Variants in SHISA9 observed in about 807,000 individuals in gnomAD.
SHISA9 encodes the protein protein shisa-9.
SHISA9 carries 13 observed loss-of-function variants against 38.0 expected under a neutral mutation model. The observed-to-expected ratio is 0.34, with a 90% CI of 0.22 to 0.54. SHISA9 has a LOEUF of 0.54. SHISA9 is among the 20% of genes least tolerant of loss of function. SHISA9 has a pLI of 0.91. For synonymous variants in SHISA9, 275 were observed against 242.0 expected (o/e 1.14, Z -1.27); for missense variants, 538 against 575.8 (o/e 0.93, Z 0.67).
At chr16:13,207,132 C>T (rs1251938109) in intron 3 of SHISA9, among the ~76,000 whole-genome samples, 1 of 152,178 alleles carries the variant, frequency 6.6e-6, no homozygotes, top group East Asian at 1.9e-4. Context: ...GGCATGGTGG[C>T]AGGCACCTGT....
downstream of SHISA9, among the ~76,000 whole-genome samples, chr16:13,244,629 G>C (rs956712445): frequency 4.6e-5 from 7 of 152,118 alleles, no homozygotes; most frequent in African/African-American, 1.7e-4. Context: ...TAAGGCTTCT[G>C]GTCAAAGTGG....
At chr16:13,553,656 T>A in the SHISA9 span, among the ~76,000 whole-genome samples, 2 of 150,700 alleles carry the variant, frequency 1.3e-5, no homozygotes, top group African/African-American at 4.9e-5. Flanking sequence ...TGATTTTGAA[T>A]AACTGAGCTG....
chr16:12,945,140 T>C (rs2071672155), intron 2 of SHISA9, among the ~76,000 whole-genome samples: 1 of 152,102 alleles, frequency 6.6e-6, no homozygotes, highest in South Asian at 2.1e-4. Context: ...CCACGTGTGT[T>C]TTTTAGCCAG....
intron 2 of SHISA9, among the ~76,000 whole-genome samples, chr16:13,157,701 C>T (rs2050559404): frequency 6.6e-6 from 1 of 152,186 alleles, no homozygotes; most frequent in East Asian, 1.9e-4. Context: ...TCAGCATTAC[C>T]CCTGAATGAC....
chr16:13,408,331 T>A, the SHISA9 span, among the ~76,000 whole-genome samples: 3 of 152,138 alleles, frequency 2.0e-5, no homozygotes, highest in African/African-American at 2.4e-5. Flanking sequence ...CCACAGCAGG[T>A]TACAAATATT....
intron 2 of SHISA9, among the ~76,000 whole-genome samples, chr16:13,110,569 A>T (rs767177595): frequency 1.2e-4 from 19 of 152,278 alleles, no homozygotes; most frequent in Non-Finnish European, 2.5e-4. Context: ...CTATTTCAAC[A>T]TCCAAAAAAA....
intron 2 of SHISA9, among the ~76,000 whole-genome samples, chr16:13,177,574 A>C (rs900354225): frequency 2.6e-5 from 4 of 151,950 alleles, no homozygotes; most frequent in African/African-American, 9.7e-5. Context: ...GCATATATCT[A>C]CTCATACGAT....
At chr16:12,935,049 G>A in intron 2 of SHISA9, among the ~76,000 whole-genome samples, 1 of 152,124 alleles carries the variant, frequency 6.6e-6, no homozygotes, top group Non-Finnish European at 1.5e-5. Context: ...TCAAGTGTAA[G>A]ATTCTTAAAC....
rs910249520 is a variant in SHISA9, at chr16:13,237,459, T to G, written c.*2050T>G. 8 of 151,846 alleles carry G rather than the reference T, an allele frequency of 5.3e-5. No individual in the cohort carries two copies. Among genetic ancestry groups the G allele is most frequent in the African/African-American group, 1.9e-4 (8 of 41,324 alleles). The allele number at this position is 151,846 out of a possible 1,614,324, so 9.4% of individuals were successfully genotyped here. On this transcript the variant is annotated 3_prime_UTR_variant, in exon 5 of 5. Transcript: ENST00000558583. The stretch of plus-strand genomic sequence containing the variant: ...AGGTGGATCATCTGAGGTCAGGAGT[T>G]TGAGATCAGCCTGGTCAACATGGTG...
intron 2 of SHISA9, among the ~76,000 whole-genome samples, chr16:13,181,312 TACACACAC>T (rs1217237745): frequency 5.9e-5 from 2 of 34,102 alleles, no homozygotes; most frequent in African/African-American, 1.2e-4. Flanking sequence ...TATATATATA[TACACACAC>T]ACACACACAC....
intron 2 of SHISA9, among the ~76,000 whole-genome samples, chr16:12,974,478 GGTTT>G (rs1353338787): frequency 2.3e-5 from 3 of 132,310 alleles, no homozygotes; most frequent in South Asian, 2.3e-4. Flanking sequence ...GATTTCTGGT[GGTTT>G]TTTTTTTTTT....
the SHISA9 span, among the ~76,000 whole-genome samples, chr16:13,468,354 C>T: frequency 9.2e-5 from 14 of 152,270 alleles, no homozygotes; most frequent in African/African-American, 3.4e-4. Flanking sequence ...CTGACTTACT[C>T]AGAGTCATAC....
At chr16:13,114,655 C>T (rs920335178) in intron 2 of SHISA9, among the ~76,000 whole-genome samples, 1 of 151,924 alleles carries the variant, frequency 6.6e-6, no homozygotes, top group African/African-American at 2.4e-5. Flanking sequence ...TCTCTATTGC[C>T]TTCAACACCC....
intron 2 of SHISA9, among the ~76,000 whole-genome samples, chr16:13,049,581 G>A (rs919049929): frequency 3.9e-5 from 6 of 152,286 alleles, no homozygotes; most frequent in African/African-American, 1.4e-4. Context: ...CTGGCTGCAT[G>A]TGTTGTAACA....
intron 2 of SHISA9, among the ~76,000 whole-genome samples, chr16:13,062,875 C>T (rs1457986731): frequency 1.3e-5 from 2 of 152,232 alleles, no homozygotes; most frequent in East Asian, 1.9e-4. Context: ...AAGTGGCTCA[C>T]CAGCCTCACC....
At chr16:13,339,987 T>A in the SHISA9 span, among the ~76,000 whole-genome samples, 1 of 152,220 alleles carries the variant, frequency 6.6e-6, no homozygotes, top group Non-Finnish European at 1.5e-5. Context: ...ATGATAAAGG[T>A]AATTACTCAT....
the SHISA9 span, among the ~76,000 whole-genome samples, chr16:13,464,510 G>C: frequency 6.6e-6 from 1 of 152,192 alleles, no homozygotes; most frequent in South Asian, 2.1e-4. Flanking sequence ...TTTGCAACTT[G>C]AGTCTGAACT....
the SHISA9 span, among the ~76,000 whole-genome samples, chr16:13,472,461 G>A: frequency 7.8e-6 from 1 of 127,822 alleles, no homozygotes; most frequent in Admixed American, 9.9e-5. Flanking sequence ...GAACAATCTC[G>A]GCTCACTCCA....
intron 2 of SHISA9, among the ~76,000 whole-genome samples, chr16:13,125,759 A>G (rs1472683191): frequency 6.6e-6 from 1 of 152,346 alleles, no homozygotes; most frequent in African/African-American, 2.4e-5. Context: ...GACTACCTTG[A>G]CATTAAATGC....
Sources: allele counts gnomAD v4.1 joint callset (sites outside exome capture counted in the v4.1 genomes callset), GRCh38; gene constraint gnomAD v4.1.1; transcripts MANE v1.5; gene names NCBI Gene and HGNC (gene_info 2026-07-23, HGNC 2026-07-21).